Variants in C6 observed in about 807,000 individuals in gnomAD.
C6 encodes the protein complement C6.
In C6, 101 loss-of-function variants were observed where a neutral mutation model predicts 112.9. The observed-to-expected ratio is 0.89, with a 90% CI of 0.76 to 1.06. C6 has a LOEUF of 1.06. C6 is among the 50% of genes least tolerant of loss of function. The probability of loss-of-function intolerance (pLI) is 0.00; values close to 1 mark genes in which losing one functional copy is unlikely to be tolerated. For synonymous variants in C6, 431 were observed against 384.1 expected, an observed-to-expected ratio of 1.12 and a Z score of -1.43; for missense variants, 1,202 against 1,104.6, an observed-to-expected ratio of 1.09 and a Z score of -1.25.
At chr5:41,250,139 G>A (rs549829163) in intron 1 of C6, among the ~76,000 whole-genome samples, 12 of 152,250 alleles carry the variant, frequency 7.9e-5, no homozygotes, top group African/African-American at 2.2e-4. Flanking sequence ...ATGTGGCTCC[G>A]GCTTTGCAGC....
chr5:41,161,602 G>A, intron 10 of C6, 91 bp downstream of exon 10: 2 of 1,047,028 alleles, frequency 1.9e-6, no homozygotes, highest in Non-Finnish European at 1.5e-6. Flanking sequence ...CATTGTCTGA[G>A]AAGAAAATGG....
rs60737301 is a variant in C6 at position 41,245,505 on chromosome 5, GAA to G, written c.-21+15687_-21+15688del. On this transcript the variant is annotated intron_variant, in intron 1 of 17. Transcript: ENST00000263413. ...CATTGCACTCCAGCCTGGGCAAAAA[GAA>G]AAAAAAAAATTTAACAAGATTCACT... Among the ~76,000 whole-genome samples the G allele has an allele frequency of 1.0e-2, 1,507 of 151,152 alleles. 32 individuals are homozygous for G. The highest frequency in any genetic ancestry group is 0.034 in the African/African-American group (1,419 of 41,190).
At chr5:41,160,521 T>C (rs990782928) in intron 10 of C6, among the ~76,000 whole-genome samples, 154 bp from the exon 11 acceptor site, 3 of 152,172 alleles carry the variant, frequency 2.0e-5, no homozygotes, top group African/African-American at 7.2e-5. Flanking sequence ...GTTGAACCAG[T>C]AGGCAAAAGC....
At chr5:41,225,268 A>T (rs893061040) in intron 1 of C6, among the ~76,000 whole-genome samples, 2 of 150,794 alleles carry the variant, frequency 1.3e-5, no homozygotes, top group Non-Finnish European at 2.9e-5. Flanking sequence ...TCCTGTGTCC[A>T]TGTGTTCTCA....
intron 12 of C6, 142 bp downstream of exon 12, chr5:41,158,940 G>A: frequency 8.6e-7 from 1 of 1,162,370 alleles, no homozygotes; most frequent in Non-Finnish European, 1.3e-6. Flanking sequence ...AGTAGACCCA[G>A]TGGCTCATTA....
At chr5:41,229,181 T>C (rs146139082) in intron 1 of C6, among the ~76,000 whole-genome samples, 171 of 152,218 alleles carry the variant, frequency 1.1e-3, no homozygotes, top group Middle Eastern at 3.4e-3. Context: ...TTCTATTTCA[T>C]TTATTTCTCC....
At chr5:41,243,173 A>C (rs1740831555) in intron 1 of C6, among the ~76,000 whole-genome samples, 1 of 152,216 alleles carries the variant, frequency 6.6e-6, no homozygotes, top group South Asian at 2.1e-4. Context: ...AAAAAAGTTA[A>C]CTATTTGAGA....
At chr5:41,229,981 T>A (rs1252385239) in intron 1 of C6, among the ~76,000 whole-genome samples, 2 of 152,132 alleles carry the variant, frequency 1.3e-5, no homozygotes, top group African/African-American at 4.8e-5. Context: ...CTTTTCTAAT[T>A]TCTTATGTCT....
At chr5:41,196,803 G>A (rs1750654203) in intron 4 of C6, among the ~76,000 whole-genome samples, 1 of 151,960 alleles carries the variant, frequency 6.6e-6, no homozygotes, top group South Asian at 2.1e-4. Context: ...CAAATTCCAT[G>A]TACCCAAATA....
intron 14 of C6, 21 bp from the exon 15 acceptor site, chr5:41,154,019 A>T (rs1746662060): frequency 6.2e-7 from 1 of 1,611,130 alleles, no homozygotes; most frequent in East Asian, 2.2e-5. Context: ...GCAACATTTC[A>T]TATGTGTTTA....
At chr5:41,221,310 T>C (rs1320668526) in intron 1 of C6, among the ~76,000 whole-genome samples, 1 of 152,198 alleles carries the variant, frequency 6.6e-6, no homozygotes, top group Non-Finnish European at 1.5e-5. Flanking sequence ...TCAACAGGGA[T>C]GATATTTCCC....
At chr5:41,228,921 T>C (rs1228983614) in intron 1 of C6, among the ~76,000 whole-genome samples, 2 of 152,150 alleles carry the variant, frequency 1.3e-5, no homozygotes, top group Non-Finnish European at 2.9e-5. Context: ...GTAGTTTTCT[T>C]TTCTTGTTGT....
intron 1 of C6, among the ~76,000 whole-genome samples, chr5:41,225,046 ATGTC>A (rs1739402789): frequency 1.3e-5 from 2 of 152,250 alleles, no homozygotes; most frequent in Admixed American, 1.3e-4. Context: ...CCTTTGAGAA[ATGTC>A]TATTCAAATC....
intron 1 of C6, among the ~76,000 whole-genome samples, chr5:41,205,351 T>A (rs1007261166): frequency 1.3e-5 from 2 of 152,174 alleles, no homozygotes; most frequent in African/African-American, 4.8e-5. Context: ...ACTGAGGTAC[T>A]GGGTTCATCT....
At position 41,199,776 on chromosome 5, in the gene C6, C is replaced by G; in HGVS notation, c.437G>C (p.Cys146Ser). ...EEADCKNKFR[C>S]DSGRCIARKL... is the part of the protein sequence containing the mutation. ...TCACAAAAATACATTACCACTGTCA[C>G]AGCGAAATTTATTCTTGCAGTCAGC... is the stretch of plus-strand genomic sequence containing the variant. Residue 146 changes from cysteine to serine, a missense_variant, in exon 4 of 18, where the codon TGT (cysteine) becomes TCT (serine). Physicochemically the swap from Cys to Ser is moderately radical, Grantham distance 112. Transcript: ENST00000337836. The G allele has an allele frequency of 6.2e-7, 1 of 1,613,678 alleles. No homozygotes were observed. Among genetic ancestry groups the G allele is most frequent in the Non-Finnish European group, 8.5e-7 (1 of 1,179,656 alleles).
At chr5:41,243,044 A>G (rs925654020) in intron 1 of C6, among the ~76,000 whole-genome samples, 10 of 152,172 alleles carry the variant, frequency 6.6e-5, no homozygotes, top group African/African-American at 2.4e-4. Flanking sequence ...AACATCTCAG[A>G]TGGGAGAACT....
At chr5:41,226,111 T>C (rs920258399) in intron 1 of C6, among the ~76,000 whole-genome samples, 2 of 152,114 alleles carry the variant, frequency 1.3e-5, no homozygotes, top group Non-Finnish European at 2.9e-5. Flanking sequence ...TGGGATCTAA[T>C]TAAACTAAAG....
intron 13 of C6, among the ~76,000 whole-genome samples, chr5:41,155,377 TG>T: frequency 6.6e-6 from 1 of 152,146 alleles, no homozygotes; most frequent in East Asian, 1.9e-4. Context: ...TTTGTTTGTT[TG>T]TTTTTTTAAC....
chr5:41,250,348 T>A (rs748606062), intron 1 of C6, among the ~76,000 whole-genome samples: 4 of 152,186 alleles, frequency 2.6e-5, no homozygotes, highest in Non-Finnish European at 5.9e-5. Flanking sequence ...GTTAGATGAT[T>A]TCTAAGCACG....
Sources: allele counts gnomAD v4.1 joint callset (sites outside exome capture counted in the v4.1 genomes callset), GRCh38; gene constraint gnomAD v4.1.1; transcripts MANE v1.5; gene names NCBI Gene and HGNC (gene_info 2026-07-23, HGNC 2026-07-21).